Variants in NT5M observed in about 807,000 individuals in gnomAD.
NT5M encodes the protein 5'(3')-deoxyribonucleotidase, mitochondrial.
Under a neutral mutation model 22.2 loss-of-function variants are expected in NT5M, and 22 were observed. That is an observed-to-expected ratio of 0.99 (90% CI 0.71 to 1.41). NT5M has a LOEUF of 1.41. NT5M is among the 40% of genes most tolerant of loss of function. The pLI is 0.00. For synonymous variants in NT5M, 167 were observed against 133.0 expected (o/e 1.26, Z -1.76); for missense variants, 322 against 314.8 (o/e 1.02, Z -0.17).
At position 17,334,891 on chromosome 17, in the gene NT5M, G is replaced by C. The variant is rs549608984; in HGVS notation, c.430-9903G>C. 3.3e-5 allele frequency among the ~76,000 whole-genome samples: 5 copies of C among 152,280 alleles called. No homozygotes were observed. In the South Asian group the frequency reaches 1.0e-3, roughly 32 times the overall value. The stretch of plus-strand genomic sequence containing the variant: ...TATTTCTATAGAATGTTTAGAACAA[G>C]CTGGTCAGTTTCTACAAAGAACCTG... On this transcript the variant is annotated intron_variant, in intron 3 of 4. Transcript: ENST00000389022.
chr17:17,311,136 A>T (rs917403328), intron 2 of NT5M, among the ~76,000 whole-genome samples: 5 of 152,144 alleles, frequency 3.3e-5, no homozygotes, highest in Non-Finnish European at 4.4e-5. Context: ...GGAGATCGAG[A>T]CCATCCTGGC....
In NT5M at chr17:17,327,061, G is replaced by A. The variant is rs1239217203; in HGVS notation, c.429+3816G>A. On this transcript the variant is annotated intron_variant, in intron 3 of 4. Transcript: ENST00000389022. ...TTAGTAGTTGGGATTACAGGTGTGCGCCACCACACCCGGCTAATTTTTTTT... is the reference window on the plus strand; with the variant it reads ...TTAGTAGTTGGGATTACAGGTGTGCACCACCACACCCGGCTAATTTTTTTT... Among the ~76,000 whole-genome samples, 4 of 107,494 alleles carry A rather than the reference G, an allele frequency of 3.7e-5. 1 individual carries two copies. The highest frequency in any genetic ancestry group is 9.6e-5 in the African/African-American group (3 of 31,352). The allele number at this position is 107,494 out of a possible 152,430, so 70.5% of individuals were successfully genotyped here. A position where few individuals can be genotyped will look rare whatever the true frequency, so the allele number is the denominator to read the frequency against.
chr17:17,338,239 C>T (rs1427620801), intron 3 of NT5M, among the ~76,000 whole-genome samples: 16 of 150,432 alleles, frequency 1.1e-4, no homozygotes, highest in African/African-American at 3.7e-4. Flanking sequence ...GTCGCCCAGG[C>T]GGGAGTACAA....
At chr17:17,345,067 G>T (rs1281370493) in intron 4 of NT5M, 159 bp downstream of exon 4, 4 of 1,202,180 alleles carry the variant, frequency 3.3e-6, no homozygotes, top group Admixed American at 4.9e-5. Flanking sequence ...GGCCCCCTCT[G>T]TATGGGCTGT....
chr17:17,337,268 A>C (rs960886774), intron 3 of NT5M, among the ~76,000 whole-genome samples: 2 of 151,992 alleles, frequency 1.3e-5, no homozygotes, highest in Admixed American at 6.6e-5. Flanking sequence ...TTGAGACAGG[A>C]TCTCGCTCTG....
intron 4 of NT5M, among the ~76,000 whole-genome samples, chr17:17,346,573 C>T (rs171394): frequency 0.1 from 15,972 of 152,238 alleles, 881 homozygotes; most frequent in Admixed American, 0.13. Context: ...GACAGTGACC[C>T]GCAGTCAGTC....
At chr17:17,304,279 G>A (rs1597734265) in intron 1 of NT5M, 2 of 377,120 alleles carry the variant, frequency 5.3e-6, no homozygotes, top group Admixed American at 6.5e-5. Flanking sequence ...GAGGCCCAGA[G>A]AGGTTGTGTG....
intron 3 of NT5M, among the ~76,000 whole-genome samples, chr17:17,343,622 G>A (rs2049694775): frequency 6.6e-6 from 1 of 152,156 alleles, no homozygotes; most frequent in Admixed American, 6.5e-5. Flanking sequence ...CCCTGGGAGG[G>A]CAAGGACCTG....
At chr17:17,306,400 C>T in intron 1 of NT5M, 143 bp from the exon 2 acceptor site, 1 of 688,236 alleles carries the variant, frequency 1.5e-6, no homozygotes, top group Admixed American at 2.2e-5. Context: ...GCACTACCCC[C>T]AGGAAGTACG....
At chr17:17,314,267 T>C (rs941337290) in intron 2 of NT5M, among the ~76,000 whole-genome samples, 5 of 152,140 alleles carry the variant, frequency 3.3e-5, no homozygotes, top group Non-Finnish European at 7.4e-5. Flanking sequence ...ACTCCTGACC[T>C]CAGGTGGTCC....
At chr17:17,317,056 T>TG (rs1491559967) in intron 2 of NT5M, among the ~76,000 whole-genome samples, 1 of 23,392 alleles carries the variant, frequency 4.3e-5, no homozygotes, top group East Asian at 4.3e-3. Context: ...TTTGTTTTTG[T>TG]TTTTTTTTTT....
intron 2 of NT5M, among the ~76,000 whole-genome samples, chr17:17,314,671 C>A: frequency 6.6e-6 from 1 of 152,186 alleles, no homozygotes; most frequent in East Asian, 1.9e-4. Context: ...ACCCTGCCTT[C>A]CTTTCCAACC....
At chr17:17,312,434 G>A (rs989082876) in intron 2 of NT5M, among the ~76,000 whole-genome samples, 1 of 152,042 alleles carries the variant, frequency 6.6e-6, no homozygotes, top group Non-Finnish European at 1.5e-5. Context: ...CTGAGGTCAG[G>A]AGTTCGAGGC....
chr17:17,334,285 A>G lies in NT5M; in HGVS notation c.430-10509A>G, dbSNP rs539968793. On this transcript the variant is annotated intron_variant, in intron 3 of 4. Coordinates refer to ENST00000389022, the MANE Select transcript of NT5M (RefSeq NM_020201.4). Reference sequence around the variant, plus strand: ...CCTGGCTCGTTTTGAGTTAATTATCATATATTGTAGGAGGTAAAAATGGAG... The same window carrying G: ...CCTGGCTCGTTTTGAGTTAATTATCGTATATTGTAGGAGGTAAAAATGGAG... Among the ~76,000 whole-genome samples the G allele has an allele frequency of 2.7e-5, 4 of 150,506 alleles. No homozygotes were observed. In the South Asian group the frequency reaches 8.4e-4, roughly 32 times the overall value.
chr17:17,331,469 A>G (rs906086059), intron 3 of NT5M, among the ~76,000 whole-genome samples: 1 of 151,800 alleles, frequency 6.6e-6, no homozygotes, highest in African/African-American at 2.4e-5. Flanking sequence ...TTTCCAAAAA[A>G]TAAAATAAAA....
intron 2 of NT5M, among the ~76,000 whole-genome samples, chr17:17,310,118 C>A (rs774734324): frequency 1.3e-5 from 2 of 152,106 alleles, no homozygotes; most frequent in Non-Finnish European, 2.9e-5. Flanking sequence ...GCCACCTCGC[C>A]CGGCCTAACT....
intron 2 of NT5M, among the ~76,000 whole-genome samples, chr17:17,320,898 A>G (rs2049137939): frequency 6.6e-6 from 1 of 152,078 alleles, no homozygotes; most frequent in African/African-American, 2.4e-5. Flanking sequence ...TGAGATGGGC[A>G]TTGGACAGAG....
chr17:17,340,172 CTGTT>C (rs951292495), intron 3 of NT5M, among the ~76,000 whole-genome samples: 19 of 152,130 alleles, frequency 1.2e-4, no homozygotes, highest in Admixed American at 6.5e-4. Context: ...TGTTATTGGT[CTGTT>C]TGTTTTGAAT....
At position 17,303,818 on chromosome 17, in the gene NT5M, G is replaced by T. The variant is rs2048733525; in HGVS notation, c.267+1G>T. 1.4e-6 allele frequency: 2 copies of T among 1,455,538 alleles called. No individual in the cohort carries two copies. The highest frequency in any genetic ancestry group is 2.3e-4 in the Middle Eastern group (1 of 4,430). 90.2% of individuals were successfully genotyped at this position (1,455,538 alleles called of 1,614,324 possible). A position where few individuals can be genotyped will look rare whatever the true frequency, so the allele number is the denominator to read the frequency against. On this transcript the variant is annotated splice_donor_variant, in intron 1 of 4. Coordinates refer to ENST00000389022, the MANE Select transcript of NT5M (RefSeq NM_020201.4). LOFTEE classifies it high-confidence loss of function. ...CGGCCGCCTGCGGCCAGGGCTGAGCGTGAGCGTCCCCGCCCCGCCCCGCGC... is the reference window on the plus strand; with the variant it reads ...CGGCCGCCTGCGGCCAGGGCTGAGCTTGAGCGTCCCCGCCCCGCCCCGCGC...
Sources: allele counts gnomAD v4.1 joint callset (sites outside exome capture counted in the v4.1 genomes callset), GRCh38; gene constraint gnomAD v4.1.1; transcripts MANE v1.5; gene names NCBI Gene and HGNC (gene_info 2026-07-23, HGNC 2026-07-21).